Variants in LIMK2 observed in about 807,000 individuals in gnomAD.
LIMK2 encodes the protein LIM domain kinase 2.
A neutral mutation model predicts 75.7 loss-of-function variants in LIMK2; 35 were observed. That is an observed-to-expected ratio of 0.46 (90% CI 0.35 to 0.61). The LOEUF is 0.61. Among genes scored for constraint, LIMK2 ranks in the 20% least tolerant of loss-of-function variants. LIMK2 has a pLI of 0.00. For missense variants in LIMK2, 623 were observed against 831.0 expected, an observed-to-expected ratio of 0.75 and a Z score of 3.08; for synonymous variants, 301 against 319.2, an observed-to-expected ratio of 0.94 and a Z score of 0.61.
chr22:31,273,114 C>T (rs2048975981), intron 13 of LIMK2: 1 of 861,794 alleles, frequency 1.2e-6, no homozygotes, highest in Non-Finnish European at 1.4e-6. Flanking sequence ...GAATACAATC[C>T]ATTTTGGAGT....
intron 2 of LIMK2, among the ~76,000 whole-genome samples, chr22:31,249,583 G>A (rs1375380971): frequency 6.6e-6 from 1 of 152,170 alleles, no homozygotes; most frequent in Admixed American, 6.5e-5. Context: ...TCTGAATGGA[G>A]CCATTCCAGG....
At chr22:31,239,362 C>T (rs373102071) in intron 2 of LIMK2, among the ~76,000 whole-genome samples, 16 of 152,390 alleles carry the variant, frequency 1.0e-4, no homozygotes, top group African/African-American at 3.6e-4. Flanking sequence ...CTACTCTCTT[C>T]CACCATTCTG....
At chr22:31,234,597 T>C (rs2123789789) in intron 2 of LIMK2, among the ~76,000 whole-genome samples, 1 of 151,610 alleles carries the variant, frequency 6.6e-6, no homozygotes, top group South Asian at 2.1e-4. Context: ...GGCGTGTGCC[T>C]GTAGTCCCAG....
intron 2 of LIMK2, among the ~76,000 whole-genome samples, chr22:31,246,248 AG>A (rs11338306): frequency 0.29 from 43,376 of 147,064 alleles, 8,843 homozygotes; most frequent in African/African-American, 0.57. Flanking sequence ...GTGTGGTCCC[AG>A]GATGCACTGG....
intron 2 of LIMK2, among the ~76,000 whole-genome samples, chr22:31,237,173 A>T (rs1370316066): frequency 4.6e-5 from 7 of 150,830 alleles, no homozygotes; most frequent in Non-Finnish European, 8.9e-5. Flanking sequence ...AGGCAGGAGA[A>T]TGGCGTGAAC....
Position 31,260,167 on chromosome 22 carries a change from G to A in LIMK2, c.551+90G>A. The A allele has an allele frequency of 8.3e-6, 9 of 1,085,700 alleles. 2 individuals are homozygous for A. In the South Asian group the frequency reaches 1.5e-4, roughly 18 times the overall value. The allele number at this position is 1,085,700 out of a possible 1,614,324, so 67.3% of individuals were successfully genotyped here. A position where few individuals can be genotyped will look rare whatever the true frequency, so the allele number is the denominator to read the frequency against. ...GCTTAGACCTCCAAAGTCTCATGCA[G>A]AACTCCCTTTATTCTCATCTCATAT... On this transcript the variant is annotated intron_variant, in intron 5 of 15. Coordinates refer to ENST00000331728, the MANE Select transcript of LIMK2 (RefSeq NM_005569.4).
intron 15 of LIMK2, chr22:31,276,846 G>A (rs1429403337): frequency 1.2e-6 from 2 of 1,612,122 alleles, no homozygotes; most frequent in South Asian, 1.1e-5. Flanking sequence ...AGGGCCCAGT[G>A]AGGCGCCAAG....
At chr22:31,276,828 G>A (rs748430412) in intron 15 of LIMK2, 13 of 1,611,696 alleles carry the variant, frequency 8.1e-6, no homozygotes, top group South Asian at 1.1e-5. Context: ...CGGGCTGCGC[G>A]GATGATGAGG....
chr22:31,274,604 T>C (rs1173449781), intron 14 of LIMK2, among the ~76,000 whole-genome samples: 1 of 152,192 alleles, frequency 6.6e-6, no homozygotes, highest in African/African-American at 2.4e-5. Flanking sequence ...TTTCGCCATA[T>C]TGGCCAGGCT....
chr22:31,270,779 A>G (rs1191149304), intron 11 of LIMK2, among the ~76,000 whole-genome samples: 2 of 152,144 alleles, frequency 1.3e-5, no homozygotes, highest in African/African-American at 4.8e-5. Context: ...GGGAGGAGGG[A>G]GCAGCCTGGA....
chr22:31,265,191 CAAAAAAAAAAAAAAA>C, intron 7 of LIMK2, among the ~76,000 whole-genome samples: 1 of 34,500 alleles, frequency 2.9e-5, no homozygotes, highest in East Asian at 9.6e-4. Context: ...GAGACTCCAT[CAAAAAAAAAAAAAAA>C]AAAAAAAAAA....
At position 31,225,802 on chromosome 22, in the gene LIMK2, G is replaced by A. The variant is rs995881074; in HGVS notation, c.99G>A (p.Trp33Ter). 6 of 1,613,838 alleles carry A rather than the reference G, an allele frequency of 3.7e-6. No individual in the cohort carries two copies. Among genetic ancestry groups the A allele is most frequent in the Non-Finnish European group, 5.1e-6 (6 of 1,179,786 alleles). ...GGTACAGGACTGTCAACGAAACCTG[G>A]CACGGCTCTTGCTTCCGGTAGGTGG... ...QIWYRTVNETWHGSCFRCSEC... is the reference protein window; with the variant it reads ...QIWYRTVNET Residue 33 changes from tryptophan to a stop codon, truncating the protein, a stop_gained, in exon 2 of 16, where the codon TGG (tryptophan) becomes TGA (stop). Transcript: ENST00000331728. LOFTEE classifies it high-confidence loss of function.
chr22:31,248,685 A>C, intron 2 of LIMK2: 1 of 1,614,092 alleles, frequency 6.2e-7, no homozygotes, highest in Non-Finnish European at 8.5e-7. Flanking sequence ...ACGGATTTGC[A>C]GCTGAGCCTG....
intron 2 of LIMK2, among the ~76,000 whole-genome samples, chr22:31,245,064 C>T (rs975963641): frequency 2.6e-5 from 4 of 152,192 alleles, no homozygotes; most frequent in African/African-American, 9.6e-5. Context: ...GTGCTGCAAG[C>T]AATGTTTAAT....
At chr22:31,269,034 TTTTGTTTGTTTG>T in intron 11 of LIMK2, among the ~76,000 whole-genome samples, 1 of 150,824 alleles carries the variant, frequency 6.6e-6, no homozygotes, top group Middle Eastern at 3.2e-3. Context: ...TTTTTGGTTT[TTTTGTTTGTTTG>T]TTTGTTTGTT....
intron 11 of LIMK2, among the ~76,000 whole-genome samples, chr22:31,269,923 C>G (rs2413046): frequency 6.6e-6 from 1 of 151,846 alleles, no homozygotes; most frequent in Non-Finnish European, 1.5e-5. Flanking sequence ...CCTGGGAGGC[C>G]GGGTGGAGTC....
intron 2 of LIMK2, among the ~76,000 whole-genome samples, chr22:31,256,143 T>C (rs2123829185): frequency 6.6e-6 from 1 of 150,712 alleles, no homozygotes; most frequent in East Asian, 2.0e-4. Context: ...GGACTACCAG[T>C]GCACGCCACC....
chr22:31,259,343 T>G (rs1193798746), intron 4 of LIMK2, 113 bp downstream of exon 4: 1 of 669,946 alleles, frequency 1.5e-6, no homozygotes, highest in Non-Finnish European at 2.8e-6. Flanking sequence ...AGCATTGGAT[T>G]CTTACCACAG....
At chr22:31,264,699 A>G (rs1265949428) in intron 7 of LIMK2, among the ~76,000 whole-genome samples, 1 of 148,018 alleles carries the variant, frequency 6.8e-6, no homozygotes, top group Non-Finnish European at 1.5e-5. Context: ...GAGGCGGGCA[A>G]ATCACTTGAG....
Sources: gnomAD v4.1 joint callset for allele counts (sites outside exome capture counted in the v4.1 genomes callset) on GRCh38, gnomAD v4.1.1 for gene constraint, MANE v1.5 for transcripts, NCBI Gene and HGNC (gene_info 2026-07-23, HGNC 2026-07-21) for gene names.